GPC5: variants seen among roughly 807,000 people sequenced by gnomAD.
GPC5 encodes the protein glypican 5.
GPC5 carries 47 observed loss-of-function variants against 53.9 expected under a neutral mutation model. That is an observed-to-expected ratio of 0.87 (90% confidence interval 0.69 to 1.11). The LOEUF is 1.11. Among genes scored for constraint, GPC5 ranks in the 50% most tolerant of loss-of-function variants. The pLI is 0.00. For missense variants in GPC5, 748 were observed against 713.1 expected (o/e 1.05, Z -0.56); for synonymous variants, 286 against 263.3 (o/e 1.09, Z -0.84).
At chr13:92,352,277 T>C (rs1397027576) in intron 7 of GPC5, among the ~76,000 whole-genome samples, 1 of 152,066 alleles carries the variant, frequency 6.6e-6, no homozygotes, top group African/African-American at 2.4e-5. Flanking sequence ...TATGTAAAAA[T>C]GTCAAAAAAC....
At chr13:92,630,732 T>G (rs981470898) in intron 7 of GPC5, among the ~76,000 whole-genome samples, 7 of 152,168 alleles carry the variant, frequency 4.6e-5, no homozygotes, top group Non-Finnish European at 1.0e-4. Flanking sequence ...TAGGAATAAT[T>G]TGAATAGTTC....
intron 6 of GPC5, among the ~76,000 whole-genome samples, chr13:92,002,810 T>G (rs2040567604): frequency 6.6e-6 from 1 of 152,150 alleles, no homozygotes; most frequent in Admixed American, 6.5e-5. Flanking sequence ...AACAGACCCT[T>G]TCTTTATTCA....
At chr13:92,274,550 G>C (rs945965992) in intron 7 of GPC5, among the ~76,000 whole-genome samples, 1 of 152,128 alleles carries the variant, frequency 6.6e-6, no homozygotes, top group Non-Finnish European at 1.5e-5. Context: ...TTGGTAACCT[G>C]TGGATCAAGA....
chr13:92,783,409 C>T (rs530820176), intron 7 of GPC5, among the ~76,000 whole-genome samples: 17 of 152,276 alleles, frequency 1.1e-4, no homozygotes, highest in African/African-American at 4.1e-4. Context: ...GGTGACTCTC[C>T]CTCCAGTGAC....
intron 5 of GPC5, among the ~76,000 whole-genome samples, chr13:91,840,691 A>G (rs2038775688): frequency 6.6e-6 from 1 of 151,610 alleles, no homozygotes; most frequent in Non-Finnish European, 1.5e-5. Context: ...GAGGCACTTT[A>G]CTTAATTTTT....
intron 2 of GPC5, among the ~76,000 whole-genome samples, chr13:91,682,025 C>T (rs889392649): frequency 1.5e-4 from 23 of 151,958 alleles, no homozygotes; most frequent in Admixed American, 3.9e-4. Context: ...AATGATAGTA[C>T]GATATGTGAT....
At chr13:92,857,382 A>C (rs1879034588) in intron 7 of GPC5, among the ~76,000 whole-genome samples, 1 of 152,120 alleles carries the variant, frequency 6.6e-6, no homozygotes, top group Non-Finnish European at 1.5e-5. Flanking sequence ...AAAACATAGG[A>C]AATACCCTTC....
chr13:92,738,668 GTTCT>G (rs1202589619), intron 7 of GPC5, among the ~76,000 whole-genome samples: 1 of 152,026 alleles, frequency 6.6e-6, no homozygotes, highest in Non-Finnish European at 1.5e-5. Flanking sequence ...ACTTAAGACA[GTTCT>G]TTCTTTTAAA....
intron 5 of GPC5, among the ~76,000 whole-genome samples, chr13:91,794,486 C>T (rs1047729120): frequency 3.3e-5 from 5 of 152,190 alleles, no homozygotes; most frequent in Non-Finnish European, 5.9e-5. Context: ...GGAAGCTTTC[C>T]TCTTCTGGGT....
intron 7 of GPC5, among the ~76,000 whole-genome samples, chr13:92,673,685 A>G (rs1258572049): frequency 2.6e-5 from 4 of 152,340 alleles, no homozygotes; most frequent in Admixed American, 2.0e-4. Flanking sequence ...TTGAAAATCT[A>G]TCATTCCACA....
intron 2 of GPC5, among the ~76,000 whole-genome samples, chr13:91,494,506 T>C (rs1291024178): frequency 6.6e-6 from 1 of 152,140 alleles, no homozygotes; most frequent in Non-Finnish European, 1.5e-5. Flanking sequence ...ATAAAAAATG[T>C]CTTTAAAAGG....
At chr13:92,303,532 G>A (rs774332760) in intron 7 of GPC5, among the ~76,000 whole-genome samples, 2 of 152,048 alleles carry the variant, frequency 1.3e-5, no homozygotes, top group African/African-American at 2.4e-5. Context: ...AGAGAATTGT[G>A]TCAGGGAGAC....
At chr13:92,152,620 C>A (rs924843368) in intron 7 of GPC5, among the ~76,000 whole-genome samples, 1 of 151,714 alleles carries the variant, frequency 6.6e-6, no homozygotes, top group African/African-American at 2.4e-5. Flanking sequence ...GCGCCTGTAG[C>A]CCCAGCTACT....
At chr13:91,561,708 A>T (rs2138913984) in intron 2 of GPC5, among the ~76,000 whole-genome samples, 1 of 152,250 alleles carries the variant, frequency 6.6e-6, no homozygotes. Flanking sequence ...TGGATCTTTT[A>T]CAATAACTGT....
intron 2 of GPC5, among the ~76,000 whole-genome samples, chr13:91,473,522 A>G (rs1352533297): frequency 2.0e-5 from 3 of 152,134 alleles, no homozygotes; most frequent in Non-Finnish European, 4.4e-5. Flanking sequence ...TTTAATTTCC[A>G]TATATCTGAC....
intron 7 of GPC5, among the ~76,000 whole-genome samples, chr13:92,737,828 G>T (rs570845633): frequency 1.4e-5 from 2 of 138,800 alleles, no homozygotes; most frequent in Non-Finnish European, 3.0e-5. Context: ...GTACAATGGC[G>T]TGATCTTGGC....
At chr13:91,445,433 G>C (rs1274242298) in intron 1 of GPC5, among the ~76,000 whole-genome samples, 1 of 152,110 alleles carries the variant, frequency 6.6e-6, no homozygotes, top group African/African-American at 2.4e-5. Context: ...ATTTCATTGT[G>C]CTACTCAGAA....
intron 7 of GPC5, among the ~76,000 whole-genome samples, chr13:92,399,930 T>G (rs1024524279): frequency 6.6e-6 from 1 of 152,168 alleles, no homozygotes; most frequent in Non-Finnish European, 1.5e-5. Flanking sequence ...TAGTGGGTAG[T>G]AGGAAATTAT....
chr13:91,617,280 G>A (rs1298969055), intron 2 of GPC5, among the ~76,000 whole-genome samples: 2 of 152,146 alleles, frequency 1.3e-5, no homozygotes, highest in African/African-American at 4.8e-5. Flanking sequence ...AATTTATTCT[G>A]CATAGGCTGG....
Sources: allele counts gnomAD v4.1 joint callset (sites outside exome capture counted in the v4.1 genomes callset), GRCh38; gene constraint gnomAD v4.1.1; transcripts MANE v1.5; gene names NCBI Gene and HGNC (gene_info 2026-07-23, HGNC 2026-07-21).